Variants in CAST observed in about 807,000 individuals in gnomAD.
CAST encodes MIR583 host.
CAST carries 76 observed loss-of-function variants against 119.6 expected under a neutral mutation model. The ratio of observed to expected loss-of-function variants is 0.64; its 90% CI spans 0.53 to 0.77. The LOEUF (loss-of-function observed/expected upper bound fraction) is 0.77. Ranked by LOEUF, CAST falls within the 30% of genes least tolerant of loss-of-function variation. The pLI, the probability that CAST is intolerant of heterozygous loss-of-function variation, is 0.00. For missense variants in CAST, 953 were observed against 946.5 expected (o/e 1.01, Z -0.09); for synonymous variants, 319 against 331.6 (o/e 0.96, Z 0.41).
chr5:96,726,657 G>A, intron 4 of CAST, 137 bp from the exon 5 acceptor site: 1 of 564,736 alleles, frequency 1.8e-6, no homozygotes, highest in Non-Finnish European at 3.1e-6. Flanking sequence ...CAGCTTCTTG[G>A]AGTTATACAC....
At chr5:96,136,009 C>T in the CAST span, among the ~76,000 whole-genome samples, 2 of 151,600 alleles carry the variant, frequency 1.3e-5, no homozygotes, top group African/African-American at 2.4e-5. Context: ...TGTGGTGAGC[C>T]GAGATCACAC....
At chr5:96,558,330 G>A (rs58451055) in intron 1 of CAST, among the ~76,000 whole-genome samples, 28,583 of 151,680 alleles carry the variant, frequency 0.19, 3,124 homozygotes, top group African/African-American at 0.29. Context: ...TCAAAAGCTA[G>A]CAGAAGGCAA....
chr5:96,197,033 A>G, the CAST span, among the ~76,000 whole-genome samples: 1 of 152,164 alleles, frequency 6.6e-6, no homozygotes, highest in Non-Finnish European at 1.5e-5. Context: ...ACTCTTACAA[A>G]ATGATTCTTG....
At chr5:96,253,164 T>G in the CAST span, among the ~76,000 whole-genome samples, 5 of 152,156 alleles carry the variant, frequency 3.3e-5, no homozygotes, top group Admixed American at 1.3e-4. Flanking sequence ...AAGTAGATTT[T>G]GTGGTGGTTG....
chr5:96,344,499 C>T, the CAST span, among the ~76,000 whole-genome samples: 1 of 152,128 alleles, frequency 6.6e-6, no homozygotes, highest in South Asian at 2.1e-4. Context: ...AGCAGTGGCT[C>T]ATGTGCCATG....
chr5:96,128,429 T>A, the CAST span, among the ~76,000 whole-genome samples: 1 of 152,146 alleles, frequency 6.6e-6, no homozygotes, highest in Non-Finnish European at 1.5e-5. Flanking sequence ...GTCTAACTTT[T>A]CTCTTTGCTT....
At chr5:96,144,299 T>A in the CAST span, among the ~76,000 whole-genome samples, 1 of 152,226 alleles carries the variant, frequency 6.6e-6, no homozygotes, top group East Asian at 1.9e-4. Flanking sequence ...CATCTTGTTA[T>A]AACATGACTA....
At chr5:96,761,896 A>C (rs1022865832) in intron 24 of CAST, 3 of 159,138 alleles carry the variant, frequency 1.9e-5, no homozygotes, top group African/African-American at 7.2e-5. Flanking sequence ...TTGAGAGGGC[A>C]GTTTAGCAAA....
chr5:96,616,923 G>A (rs977070938), intron 1 of CAST, among the ~76,000 whole-genome samples: 1 of 152,002 alleles, frequency 6.6e-6, no homozygotes, highest in Non-Finnish European at 1.5e-5. Flanking sequence ...GAAGCCTCTG[G>A]TTCTCTCATG....
chr5:96,453,569 C>T, the CAST span, among the ~76,000 whole-genome samples: 37 of 152,148 alleles, frequency 2.4e-4, no homozygotes, highest in Non-Finnish European at 3.1e-4. Context: ...GCATTACCAT[C>T]GAGCACTGAT....
At chr5:96,558,837 A>C (rs1401373259) in intron 1 of CAST, among the ~76,000 whole-genome samples, 2 of 152,174 alleles carry the variant, frequency 1.3e-5, no homozygotes, top group Non-Finnish European at 2.9e-5. Flanking sequence ...AATAGAGGGA[A>C]TCCTCCCTAA....
the CAST span, among the ~76,000 whole-genome samples, chr5:96,234,683 G>T: frequency 6.6e-6 from 1 of 152,128 alleles, no homozygotes; most frequent in South Asian, 2.1e-4. Context: ...AAAGTTAAAT[G>T]TTCATCCAGA....
At chr5:96,242,424 T>C in the CAST span, among the ~76,000 whole-genome samples, 26 of 152,132 alleles carry the variant, frequency 1.7e-4, no homozygotes, top group Middle Eastern at 3.2e-3. Context: ...AGCCACCATG[T>C]CCAGCTGAAA....
the CAST span, among the ~76,000 whole-genome samples, chr5:96,421,127 T>A: frequency 5.3e-5 from 8 of 152,322 alleles, no homozygotes; most frequent in East Asian, 1.4e-3. Context: ...GCGTGAAGTT[T>A]CTTTGGGGCT....
the CAST span, among the ~76,000 whole-genome samples, chr5:96,515,331 G>A: frequency 2.0e-5 from 3 of 149,268 alleles, no homozygotes; most frequent in Admixed American, 2.0e-4. Flanking sequence ...TGTTTTTTGT[G>A]TCCTGTCCAT....
the CAST span, among the ~76,000 whole-genome samples, chr5:96,195,454 T>C: frequency 0.18 from 26,895 of 152,160 alleles, 3,987 homozygotes; most frequent in African/African-American, 0.4. Context: ...AAGTTGTCTG[T>C]AGCCTTGGAA....
the CAST span, among the ~76,000 whole-genome samples, chr5:96,288,509 G>A: frequency 6.6e-6 from 1 of 152,082 alleles, no homozygotes; most frequent in East Asian, 1.9e-4. Flanking sequence ...AAAGAATGAA[G>A]TGATAAAATA....
At chr5:96,316,265 T>G in the CAST span, among the ~76,000 whole-genome samples, 1 of 152,204 alleles carries the variant, frequency 6.6e-6, no homozygotes, top group African/African-American at 2.4e-5. Context: ...AAAATCTTGC[T>G]TAGAAAGAAA....
At chr5:96,052,563 A>G in the CAST span, among the ~76,000 whole-genome samples, 6 of 152,358 alleles carry the variant, frequency 3.9e-5, no homozygotes, top group South Asian at 1.0e-3. Context: ...TTGTTTCCCT[A>G]CATCTCTGCC....
Sources: gnomAD v4.1 joint callset for allele counts (sites outside exome capture counted in the v4.1 genomes callset) on GRCh38, gnomAD v4.1.1 for gene constraint, MANE v1.5 for transcripts, NCBI Gene and HGNC (gene_info 2026-07-23, HGNC 2026-07-21) for gene names.